Variants in LRRC7 observed in about 807,000 individuals in gnomAD.
The protein encoded by LRRC7 is leucine rich repeat containing 7.
Under a neutral mutation model 175.7 loss-of-function variants are expected in LRRC7, and 23 were observed. That is an observed-to-expected ratio of 0.13 (90% CI 0.09 to 0.19). LRRC7 has a LOEUF of 0.19. Among genes scored for constraint, LRRC7 ranks in the 10% least tolerant of loss-of-function variants. The probability of loss-of-function intolerance (pLI) is 1.00; values close to 1 mark genes in which losing one functional copy is unlikely to be tolerated. For missense variants in LRRC7, 1,354 were observed against 1,904.7 expected, an observed-to-expected ratio of 0.71 and a Z score of 5.38; for synonymous variants, 685 against 680.9, an observed-to-expected ratio of 1.01 and a Z score of -0.09.
intron 2 of LRRC7, among the ~76,000 whole-genome samples, chr1:69,701,971 G>A (rs566258050): frequency 1.3e-5 from 2 of 152,268 alleles, no homozygotes; most frequent in South Asian, 2.1e-4. Flanking sequence ...AGTTCAGAAA[G>A]TCTTTGCATT....
At position 69,919,571 on chromosome 1, in the gene LRRC7, C is replaced by T. The variant is rs750125100; in HGVS notation, c.648-11936C>T. 4.8e-4 allele frequency: 386 copies of T among 798,784 alleles called. 1 individual carries two copies. Among genetic ancestry groups the T allele is most frequent in the Non-Finnish European group, 6.9e-4 (320 of 463,958 alleles). 49.5% of individuals were successfully genotyped at this position (798,784 alleles called of 1,614,324 possible). A position where few individuals can be genotyped will look rare whatever the true frequency, so the allele number is the denominator to read the frequency against. On this transcript the variant is annotated intron_variant, in intron 7 of 26. Transcript: ENST00000651989. The stretch of plus-strand genomic sequence containing the variant: ...CCAGTCAAGGCGGCCCTCGACCTGG[C>T]GGCAGGAAATCACCCGGACCAAGGA...
chr1:69,660,500 A>G (rs1657298718), intron 1 of LRRC7, among the ~76,000 whole-genome samples: 1 of 152,116 alleles, frequency 6.6e-6, no homozygotes, highest in African/African-American at 2.4e-5. Context: ...GATATGCAGT[A>G]AGGTAAAAGA....
chr1:69,920,992 T>A (rs1052096728), intron 7 of LRRC7, among the ~76,000 whole-genome samples: 2 of 152,168 alleles, frequency 1.3e-5, no homozygotes, highest in African/African-American at 4.8e-5. Context: ...TGGAAGCACC[T>A]ATTCAGTGGT....
chr1:69,796,721 G>A (rs1198346224), intron 4 of LRRC7, among the ~76,000 whole-genome samples: 6 of 152,122 alleles, frequency 3.9e-5, no homozygotes, highest in East Asian at 3.9e-4. Context: ...TTGAACCTAG[G>A]AGGCGGAGGT....
intron 1 of LRRC7, among the ~76,000 whole-genome samples, chr1:69,582,887 T>A (rs918255134): frequency 8.5e-5 from 13 of 152,290 alleles, no homozygotes; most frequent in South Asian, 2.1e-4. Context: ...CTGCTTTGAT[T>A]AGCTTGAAAT....
intron 26 of LRRC7, among the ~76,000 whole-genome samples, chr1:70,111,718 C>G (rs377637010): frequency 1.3e-4 from 20 of 152,102 alleles, no homozygotes; most frequent in African/African-American, 4.6e-4. Flanking sequence ...CATACTGTAC[C>G]TGATAGTTAA....
intron 3 of LRRC7, among the ~76,000 whole-genome samples, chr1:69,781,872 G>GGAAT (rs1673748370): frequency 7.8e-6 from 1 of 128,264 alleles, no homozygotes; most frequent in Admixed American, 8.2e-5. Context: ...AAGGAAGGAA[G>GGAAT]GAAGAAAGAA....
At chr1:69,745,936 AC>A (rs1669207246) in intron 2 of LRRC7, among the ~76,000 whole-genome samples, 2 of 152,004 alleles carry the variant, frequency 1.3e-5, no homozygotes, top group Non-Finnish European at 2.9e-5. Context: ...AATTTAAATA[AC>A]AAAATTCTGA....
intron 2 of LRRC7, among the ~76,000 whole-genome samples, chr1:69,686,724 A>G (rs1447226814): frequency 6.6e-6 from 1 of 152,148 alleles, no homozygotes; most frequent in African/African-American, 2.4e-5. Flanking sequence ...AAATAATAAA[A>G]TTAGATGTAT....
At chr1:69,656,609 G>T (rs1656642228) in intron 1 of LRRC7, among the ~76,000 whole-genome samples, 2 of 151,966 alleles carry the variant, frequency 1.3e-5, no homozygotes, top group South Asian at 2.1e-4. Flanking sequence ...AGTTAAAACT[G>T]CAGGTGTTAT....
chr1:70,019,924 A>G (rs1044870834), intron 15 of LRRC7, among the ~76,000 whole-genome samples: 40 of 152,002 alleles, frequency 2.6e-4, no homozygotes, highest in African/African-American at 9.7e-4. Context: ...AAAAGAATAT[A>G]GGGAAAAAGT....
intron 7 of LRRC7, chr1:69,874,654 G>T (rs1302670956): frequency 6.6e-6 from 1 of 151,936 alleles, no homozygotes; most frequent in African/African-American, 2.4e-5. Context: ...CTATGCTATG[G>T]AACTGAAATG....
rs947069945 is a variant in LRRC7 at position 70,133,090 on chromosome 1, T to A, written c.*11203T>A. 3.3e-5 allele frequency among the ~76,000 whole-genome samples: 5 copies of A among 152,152 alleles called. No homozygotes were observed. Among genetic ancestry groups the A allele is most frequent in the Admixed American group, 6.5e-5 (1 of 15,280 alleles). On this transcript the variant is annotated 3_prime_UTR_variant, in exon 27 of 27. Transcript: ENST00000651989. ...AGTTGTACACATCCGCATACTCTTTTAAAGAAACATGTGTCTGCAGTTCAG... is the reference window on the plus strand; with the variant it reads ...AGTTGTACACATCCGCATACTCTTTAAAAGAAACATGTGTCTGCAGTTCAG...
At chr1:70,068,837 T>A (rs546440171) in intron 23 of LRRC7, among the ~76,000 whole-genome samples, 6 of 152,148 alleles carry the variant, frequency 3.9e-5, no homozygotes, top group Non-Finnish European at 7.3e-5. Context: ...TACCTCAGCC[T>A]CTCGAGTAGC....
At chr1:69,722,980 T>G (rs986891545) in intron 2 of LRRC7, among the ~76,000 whole-genome samples, 6 of 152,042 alleles carry the variant, frequency 3.9e-5, no homozygotes, top group African/African-American at 7.2e-5. Flanking sequence ...TTTATGTTAG[T>G]TTTTTGCCAT....
At chr1:70,112,987 T>C (rs1218056509) in intron 26 of LRRC7, among the ~76,000 whole-genome samples, 1 of 152,054 alleles carries the variant, frequency 6.6e-6, no homozygotes, top group Non-Finnish European at 1.5e-5. Context: ...AAGTTTTTCA[T>C]GGACTGGGAG....
At chr1:69,911,093 C>T (rs1352634543) in intron 7 of LRRC7, among the ~76,000 whole-genome samples, 3 of 152,178 alleles carry the variant, frequency 2.0e-5, no homozygotes, top group Non-Finnish European at 2.9e-5. Context: ...TTCCAGGTGC[C>T]GTCTGTCACC....
chr1:69,828,493 A>G (rs564783500), intron 5 of LRRC7, among the ~76,000 whole-genome samples: 70 of 152,218 alleles, frequency 4.6e-4, no homozygotes, highest in Middle Eastern at 3.4e-3. Flanking sequence ...TGGTATTTCA[A>G]TTATGGCTTT....
intron 1 of LRRC7, among the ~76,000 whole-genome samples, chr1:69,663,877 G>A (rs1187179502): frequency 8.0e-5 from 12 of 150,736 alleles, no homozygotes; most frequent in African/African-American, 2.2e-4. Flanking sequence ...GCCCGCCACC[G>A]CGCCCGGCTA....
Sources: allele counts gnomAD v4.1 joint callset (sites outside exome capture counted in the v4.1 genomes callset), GRCh38; gene constraint gnomAD v4.1.1; transcripts MANE v1.5; gene names NCBI Gene and HGNC (gene_info 2026-07-23, HGNC 2026-07-21).